Variants in NTPCR observed in about 807,000 individuals in gnomAD.
The protein encoded by NTPCR is cancer-related nucleoside-triphosphatase.
A neutral mutation model predicts 19.5 loss-of-function variants in NTPCR; 15 were observed. The observed-to-expected ratio is 0.77, with a 90% CI of 0.51 to 1.18. The LOEUF is 1.18. Ranked by LOEUF, NTPCR falls within the 50% of genes most tolerant of loss-of-function variation. The pLI is 0.00. For missense variants in NTPCR, 206 were observed against 240.4 expected (o/e 0.86, Z 0.95); for synonymous variants, 90 against 95.8 (o/e 0.94, Z 0.36).
intron 1 of NTPCR, among the ~76,000 whole-genome samples, chr1:232,953,483 A>G (rs1668429146): frequency 6.6e-6 from 1 of 152,224 alleles, no homozygotes; most frequent in Non-Finnish European, 1.5e-5. Context: ...TGTTCTACAC[A>G]ACATACAGTC....
At chr1:232,954,433 A>G (rs755449397) in intron 1 of NTPCR, among the ~76,000 whole-genome samples, 2 of 152,224 alleles carry the variant, frequency 1.3e-5, no homozygotes, top group Non-Finnish European at 2.9e-5. Flanking sequence ...GTAGTATCTC[A>G]AAATAGCTCA....
chr1:232,972,887 C>A (rs1392130323), intron 4 of NTPCR, among the ~76,000 whole-genome samples: 1 of 152,174 alleles, frequency 6.6e-6, no homozygotes, highest in Non-Finnish European at 1.5e-5. Context: ...GAGGCATGAT[C>A]TCTGCCCTCA....
chr1:232,974,418 G>A (rs1359266030), intron 4 of NTPCR, among the ~76,000 whole-genome samples: 1 of 152,174 alleles, frequency 6.6e-6, no homozygotes, highest in African/African-American at 2.4e-5. Context: ...AAAGAACAAT[G>A]GGAAGAGTAA....
chr1:232,958,226 A>C (rs1668566100), intron 3 of NTPCR, among the ~76,000 whole-genome samples: 1 of 152,232 alleles, frequency 6.6e-6, no homozygotes, highest in Non-Finnish European at 1.5e-5. Context: ...CCAAGAATAA[A>C]GTCCAAAGTC....
chr1:232,953,964 C>G (rs1194699517), intron 1 of NTPCR, among the ~76,000 whole-genome samples: 1 of 152,084 alleles, frequency 6.6e-6, no homozygotes, highest in Non-Finnish European at 1.5e-5. Context: ...CAGTGTTTTG[C>G]TATTATAAAG....
Position 232,969,935 on chromosome 1 carries a change from A to G in NTPCR, c.321A>G (p.Gln107=). ...CCGACTGCAGCAGTGGCCCAGGGCA[A>G]AGAGTGTGCGTCATCGATGAGATTG... ...RNADCSSGPG[Q]RVCVIDEIGK... Residue 107 remains glutamine (Q), a synonymous_variant, in exon 4 of 5, where the codon CAA becomes CAG. Coordinates refer to ENST00000366628, the MANE Select transcript of NTPCR (RefSeq NM_032324.3). 6.2e-7 allele frequency: 1 copy of G among 1,614,174 alleles called. No homozygotes were observed. Among genetic ancestry groups the G allele is most frequent in the Non-Finnish European group, 8.5e-7 (1 of 1,180,008 alleles).
chr1:232,953,923 A>G (rs1668444283), intron 1 of NTPCR, among the ~76,000 whole-genome samples: 2 of 152,228 alleles, frequency 1.3e-5, no homozygotes, highest in African/African-American at 2.4e-5. Context: ...ATGAGTTAAC[A>G]TTCCCTTACA....
intron 3 of NTPCR, among the ~76,000 whole-genome samples, chr1:232,960,700 A>G (rs2102743929): frequency 6.6e-6 from 1 of 152,180 alleles, no homozygotes; most frequent in East Asian, 1.9e-4. Context: ...CGTGAGAAAT[A>G]AAGAAAAATA....
rs1447430567 is a variant in NTPCR, at chr1:232,978,376, A to C, written c.*145A>C. 1.6e-5 allele frequency: 10 copies of C among 627,134 alleles called. No homozygotes were observed. Among genetic ancestry groups the C allele is most frequent in the Non-Finnish European group, 2.8e-5 (10 of 357,278 alleles). 38.8% of individuals were successfully genotyped at this position (627,134 alleles called of 1,614,324 possible). A position where few individuals can be genotyped will look rare whatever the true frequency, so the allele number is the denominator to read the frequency against. On this transcript the variant is annotated 3_prime_UTR_variant, in exon 5 of 5. Transcript: ENST00000366628. ...AAAACTCAACAGCTGTTTCCCATAA[A>C]ATGTTTAAAAGATCAAATTAGCCTT...
At chr1:232,970,697 A>T (rs921918723) in intron 4 of NTPCR, among the ~76,000 whole-genome samples, 8 of 152,238 alleles carry the variant, frequency 5.3e-5, no homozygotes, top group African/African-American at 1.9e-4. Flanking sequence ...AAATTTAATC[A>T]TATTTAAATT....
At chr1:232,973,084 G>A (rs968050345) in intron 4 of NTPCR, among the ~76,000 whole-genome samples, 10 of 152,286 alleles carry the variant, frequency 6.6e-5, no homozygotes, top group East Asian at 1.9e-4. Flanking sequence ...CAGAGTCAGC[G>A]TCCCCTTGCT....
rs55951151 is a variant in NTPCR at position 232,955,530 on chromosome 1, CTTTTTTT to C, written c.35-14_35-8del. ...GAATGTTTCCTAATGGGCTTTTCTT[CTTTTTTT>C]TTTTTTTTTTTTATTTTAGGAGTTG... is the stretch of plus-strand genomic sequence containing the variant. On this transcript the variant is annotated intron_variant, in intron 1 of 4. Transcript: ENST00000366628. 5 of 1,351,100 alleles carry C rather than the reference CTTTTTTT, an allele frequency of 3.7e-6. No individual in the cohort carries two copies. Among genetic ancestry groups the C allele is most frequent in the South Asian group, 1.6e-5 (1 of 64,236 alleles). The allele number at this position is 1,351,100 out of a possible 1,614,324, so 83.7% of individuals were successfully genotyped here.
intron 3 of NTPCR, among the ~76,000 whole-genome samples, chr1:232,959,482 C>T (rs974139439): frequency 4.2e-4 from 64 of 152,168 alleles, no homozygotes; most frequent in African/African-American, 1.1e-3. Flanking sequence ...GATTTCTTTT[C>T]TGGAGCAGAA....
rs1000317118 is a variant in NTPCR, at chr1:232,982,784, G to A, written c.*4553G>A. ...CGTGGTTTTCCTCACTGAACTCAAG[G>A]AGTCACCCTCCGTGGGGAGGCCACA... On this transcript the variant is annotated 3_prime_UTR_variant, in exon 5 of 5. Transcript: ENST00000366628. 1 of 152,214 alleles carries A rather than the reference G, an allele frequency of 6.6e-6. No homozygotes were observed. Among genetic ancestry groups the A allele is most frequent in the African/African-American group, 2.4e-5 (1 of 41,444 alleles). The allele number at this position is 152,214 out of a possible 1,614,324, so 9.4% of individuals were successfully genotyped here.
Position 232,983,424 on chromosome 1 carries a change from G to T in NTPCR, c.*5193G>T, listed in dbSNP as rs1055955659. The stretch of plus-strand genomic sequence containing the variant: ...AAGCTTCAGTATAACTCAAAACACT[G>T]GACGCAGCAATAACTATAAACATTT... On this transcript the variant is annotated 3_prime_UTR_variant, in exon 5 of 5. Coordinates refer to ENST00000366628, the MANE Select transcript of NTPCR (RefSeq NM_032324.3). 7.9e-5 allele frequency: 12 copies of T among 152,210 alleles called. No individual in the cohort carries two copies. The highest frequency in any genetic ancestry group is 2.9e-4 in the African/African-American group (12 of 41,448). 9.4% of individuals were successfully genotyped at this position (152,210 alleles called of 1,614,324 possible). A position where few individuals can be genotyped will look rare whatever the true frequency, so the allele number is the denominator to read the frequency against.
chr1:232,972,314 AT>A (rs1669007844), intron 4 of NTPCR, among the ~76,000 whole-genome samples: 1 of 151,552 alleles, frequency 6.6e-6, no homozygotes, highest in Non-Finnish European at 1.5e-5. Context: ...TATTTAACTT[AT>A]TTTTTTGAGG....
chr1:232,953,605 G>T (rs188887414), intron 1 of NTPCR, among the ~76,000 whole-genome samples: 7,901 of 143,438 alleles, frequency 0.055, 259 homozygotes, highest in Middle Eastern at 0.13. Context: ...TTCAGTATAA[G>T]AATTAAAAAA....
In NTPCR at chr1:232,973,854, A is replaced by G. The variant is rs1269136678; in HGVS notation, c.504+3736A>G. On this transcript the variant is annotated intron_variant, in intron 4 of 4. Transcript: ENST00000366628. ...AATCAGTGAACTTGAAGGTAGAACA[A>G]TAGAAATTACCTGACAAAGAGCAGA... Among the ~76,000 whole-genome samples the G allele has an allele frequency of 3.3e-5, 5 of 152,198 alleles. No individual in the cohort carries two copies. The East Asian group carries it at 9.6e-4, about 29-fold the overall frequency.
At chr1:232,974,395 A>T (rs1315073571) in intron 4 of NTPCR, among the ~76,000 whole-genome samples, 1 of 152,272 alleles carries the variant, frequency 6.6e-6, no homozygotes, top group African/African-American at 2.4e-5. Context: ...GACCTGGAAC[A>T]TCAGGAAGGA....
Sources: allele counts gnomAD v4.1 joint callset (sites outside exome capture counted in the v4.1 genomes callset), GRCh38; gene constraint gnomAD v4.1.1; transcripts MANE v1.5; gene names NCBI Gene and HGNC (gene_info 2026-07-23, HGNC 2026-07-21).